Variants in METTL6 observed in about 807,000 individuals in gnomAD.
The protein encoded by METTL6 is tRNA N(3)-cytidine methyltransferase METTL6.
Under a neutral mutation model 26.4 loss-of-function variants are expected in METTL6, and 22 were observed. The ratio of observed to expected loss-of-function variants is 0.83; its 90% CI spans 0.59 to 1.19. METTL6 has a LOEUF of 1.19. Ranked by LOEUF, METTL6 falls within the 50% of genes most tolerant of loss-of-function variation. The pLI is 0.00. For synonymous variants in METTL6, 109 were observed against 116.2 expected (o/e 0.94, Z 0.40); for missense variants, 304 against 324.8 (o/e 0.94, Z 0.49).
Position 15,409,914 on chromosome 3 carries a change from G to A in METTL6, c.*1342C>T, listed in dbSNP as rs940047038. Among the ~76,000 whole-genome samples, 1 of 152,152 alleles carries A rather than the reference G, an allele frequency of 6.6e-6. No homozygotes were observed. Among genetic ancestry groups the A allele is most frequent in the Admixed American group, 6.5e-5 (1 of 15,268 alleles). ...CTTTAGGCTAGAAATATATATGAGT[G>A]TCTTATTTTAGTCTACTTGGCCTCA... On this transcript the variant is annotated 3_prime_UTR_variant, in exon 6 of 6. Transcript: ENST00000383790.
In METTL6 at chr3:15,415,648, C is replaced by T. The variant is rs1700172143; in HGVS notation, c.531+124G>A. On this transcript the variant is annotated intron_variant, in intron 4 of 5. Transcript: ENST00000383790. ...AGGACCCCTTTCTATACACTCACTA[C>T]ACAGCCTACCTAGTGAGAATGGAGA... 5.0e-6 allele frequency: 8 copies of T among 1,597,026 alleles called. No homozygotes were observed. In the South Asian group the frequency reaches 6.6e-5, roughly 13 times the overall value.
chr3:15,417,589 T>G (rs1277071091), intron 3 of METTL6, among the ~76,000 whole-genome samples: 8 of 148,018 alleles, frequency 5.4e-5, no homozygotes, highest in Non-Finnish European at 1.2e-4. Context: ...GAGACAAATG[T>G]ATCACTGAGA....
chr3:15,406,172 G>A (rs772489854), downstream of METTL6, among the ~76,000 whole-genome samples: 4 of 151,326 alleles, frequency 2.6e-5, no homozygotes, highest in South Asian at 2.1e-4. Context: ...CTACGTTTCC[G>A]GCGACTGTTT....
chr3:15,393,722 GT>G (rs1303786121), intron 6 of METTL6, among the ~76,000 whole-genome samples: 1 of 152,082 alleles, frequency 6.6e-6, no homozygotes, highest in African/African-American at 2.4e-5. Flanking sequence ...GCTGAATTTT[GT>G]CAAAGGCCTT....
intron 6 of METTL6, among the ~76,000 whole-genome samples, chr3:15,395,375 C>T (rs1368153134): frequency 2.0e-5 from 3 of 152,070 alleles, no homozygotes; most frequent in African/African-American, 4.8e-5. Context: ...CATCCCTTTA[C>T]TTTGAGCCTA....
chr3:15,415,570 G>A (rs1575424207), intron 4 of METTL6: 1 of 1,603,368 alleles, frequency 6.2e-7, no homozygotes, highest in African/African-American at 1.3e-5. Flanking sequence ...AAGCTCTGAA[G>A]AGCAGCCATG....
At chr3:15,421,315 A>G (rs1171324452) in intron 3 of METTL6, among the ~76,000 whole-genome samples, 1 of 152,262 alleles carries the variant, frequency 6.6e-6, no homozygotes, top group Non-Finnish European at 1.5e-5. Flanking sequence ...TCTTAATCCC[A>G]TAAAATTGGA....
chr3:15,401,021 C>T (rs1200607405), intron 6 of METTL6, among the ~76,000 whole-genome samples: 2 of 152,038 alleles, frequency 1.3e-5, no homozygotes, highest in Non-Finnish European at 2.9e-5. Flanking sequence ...CACCACCACA[C>T]CCAGATCAGT....
At chr3:15,422,938 C>T (rs1462212874) in intron 3 of METTL6, among the ~76,000 whole-genome samples, 2 of 152,110 alleles carry the variant, frequency 1.3e-5, no homozygotes, top group East Asian at 3.8e-4. Context: ...AATTTAACTT[C>T]TAGTTCACAG....
intron 3 of METTL6, among the ~76,000 whole-genome samples, chr3:15,417,047 C>T (rs1007377099): frequency 1.3e-5 from 2 of 152,196 alleles, no homozygotes; most frequent in Admixed American, 1.3e-4. Flanking sequence ...TGGCTCATGC[C>T]TGTAATCCCA....
At chr3:15,396,322 C>T (rs1423911525) in intron 6 of METTL6, among the ~76,000 whole-genome samples, 4 of 152,150 alleles carry the variant, frequency 2.6e-5, no homozygotes, top group Non-Finnish European at 5.9e-5. Flanking sequence ...AGTTCTTGTG[C>T]CATGGTTTTC....
At position 15,414,176 on chromosome 3, in the gene METTL6, G is replaced by T; in HGVS notation, c.532-14C>A. 3.1e-6 allele frequency: 5 copies of T among 1,600,416 alleles called. No individual in the cohort carries two copies. The highest frequency in any genetic ancestry group is 4.3e-6 in the Non-Finnish European group (5 of 1,175,676). On this transcript the variant is annotated splice_polypyrimidine_tract_variant and intron_variant, in intron 4 of 5. Transcript: ENST00000383790. ...TGGTTTTAATACCTATGAAACAAAAGCAGGCTGAACATGACTTTGGAGAAC... is the reference window on the plus strand; with the variant it reads ...TGGTTTTAATACCTATGAAACAAAATCAGGCTGAACATGACTTTGGAGAAC...
exon 7 of METTL6, chr3:15,384,051 AC>A: frequency 2.8e-6 from 1 of 356,814 alleles, no homozygotes; most frequent in Admixed American, 4.5e-5. Context: ...ATAAAGGGTT[AC>A]CAGGCAAAAT....
intron 4 of METTL6, chr3:15,414,940 G>A (rs922064577): frequency 1.9e-5 from 22 of 1,137,482 alleles, no homozygotes; most frequent in Non-Finnish European, 1.5e-5. Flanking sequence ...ATAAATAAGT[G>A]TTAGAGACAA....
intron 6 of METTL6, among the ~76,000 whole-genome samples, chr3:15,397,756 G>A (rs758767124): frequency 1.2e-4 from 18 of 152,064 alleles, no homozygotes; most frequent in Non-Finnish European, 2.1e-4. Context: ...GGGCAGAGAG[G>A]AGCCTGAATT....
intron 4 of METTL6, chr3:15,414,491 G>A: frequency 2.6e-6 from 1 of 381,094 alleles, no homozygotes; most frequent in South Asian, 3.8e-5. Flanking sequence ...GAGTAGCTGG[G>A]ATTATAGGTG....
intron 5 of METTL6, among the ~76,000 whole-genome samples, chr3:15,413,135 C>T (rs1700043610): frequency 1.3e-5 from 2 of 152,114 alleles, no homozygotes; most frequent in Admixed American, 1.3e-4. Flanking sequence ...ATCCTTGCTA[C>T]TTGGGAGGCT....
At chr3:15,425,147 C>A in intron 2 of METTL6, 58 bp from the exon 3 acceptor site, 5 of 1,592,318 alleles carry the variant, frequency 3.1e-6, no homozygotes, top group East Asian at 4.5e-5. Context: ...AAGAAATAAA[C>A]CAAACTAAAA....
rs183460876 is a variant in METTL6 at position 15,421,746 on chromosome 3, C to A, written c.360+3209G>T. Among the ~76,000 whole-genome samples the A allele has an allele frequency of 5.0e-4, 76 of 152,142 alleles. 1 individual carries two copies. Among genetic ancestry groups the A allele is most frequent in the African/African-American group, 1.8e-3 (73 of 41,512 alleles). ...CCAACATAGTGAAACCCTGTCTGTACTAAAAATACAAAAAAATTAGCCAGG... is the reference window on the plus strand; with the variant it reads ...CCAACATAGTGAAACCCTGTCTGTAATAAAAATACAAAAAAATTAGCCAGG... On this transcript the variant is annotated intron_variant, in intron 3 of 5. Coordinates refer to ENST00000383790, the MANE Select transcript of METTL6 (RefSeq NM_152396.4).
Sources: gnomAD v4.1 joint callset for allele counts (sites outside exome capture counted in the v4.1 genomes callset) on GRCh38, gnomAD v4.1.1 for gene constraint, MANE v1.5 for transcripts, NCBI Gene and HGNC (gene_info 2026-07-23, HGNC 2026-07-21) for gene names.